The following LYZL1 variants were observed in gnomAD, a reference collection of about 807,000 sequenced individuals.
The protein encoded by LYZL1 is lysozyme like 1.
LYZL1 carries 16 observed loss-of-function variants against 17.9 expected under a neutral mutation model. That is an observed-to-expected ratio of 0.90 (90% confidence interval 0.61 to 1.36). The LOEUF is 1.36. Ranked by LOEUF, LYZL1 falls within the 40% of genes most tolerant of loss-of-function variation. The pLI, the probability that LYZL1 is intolerant of heterozygous loss-of-function variation, is 0.00. For missense variants in LYZL1, 149 were observed against 188.4 expected (o/e 0.79, Z 1.22); for synonymous variants, 58 against 71.8 (o/e 0.81, Z 0.97).
intron 3 of LYZL1, among the ~76,000 whole-genome samples, chr10:29,306,549 C>CAAAAAAAAAAAAAAAAAA (rs58001118): frequency 2.0e-5 from 1 of 48,804 alleles, no homozygotes; most frequent in Non-Finnish European, 3.6e-5. Flanking sequence ...GACTCCGTCT[C>CAAAAAAAAAAAAAAAAAA]AAAAAAAAAA....
intron 3 of LYZL1, among the ~76,000 whole-genome samples, chr10:29,306,792 A>ATGTGTGTGTG (rs1238882899): frequency 2.9e-4 from 27 of 91,544 alleles, no homozygotes; most frequent in African/African-American, 1.2e-3. Flanking sequence ...GTTACCGCTT[A>ATGTGTGTGTG]TGTATGTGTG....
chr10:29,306,367 G>A (rs1835589879), intron 3 of LYZL1, among the ~76,000 whole-genome samples: 1 of 139,690 alleles, frequency 7.2e-6, no homozygotes, highest in East Asian at 2.0e-4. Flanking sequence ...CGGCTAAAAC[G>A]GTGAAACCCC....
At chr10:29,299,477 T>A (rs769553414) in intron 3 of LYZL1, among the ~76,000 whole-genome samples, 21 of 152,358 alleles carry the variant, frequency 1.4e-4, no homozygotes, top group Non-Finnish European at 2.4e-4. Flanking sequence ...ATTTTCTTAC[T>A]GAGAACTTAT....
chr10:29,303,261 T>C (rs1230341933), intron 3 of LYZL1, among the ~76,000 whole-genome samples: 1 of 152,194 alleles, frequency 6.6e-6, no homozygotes, highest in Non-Finnish European at 1.5e-5. Context: ...TGGCGTCTGA[T>C]GTCTGTCTCC....
chr10:29,293,147 T>G (rs1423481158), intron 3 of LYZL1, among the ~76,000 whole-genome samples: 4 of 147,744 alleles, frequency 2.7e-5, no homozygotes, highest in Non-Finnish European at 4.5e-5. Context: ...TTTTTTTTTT[T>G]TTTGAGACAG....
At chr10:29,303,442 C>G (rs1216713398) in intron 3 of LYZL1, among the ~76,000 whole-genome samples, 1 of 152,132 alleles carries the variant, frequency 6.6e-6, no homozygotes, top group Non-Finnish European at 1.5e-5. Flanking sequence ...TCTATTTTGT[C>G]TAGTCTTCTG....
rs7089659 is a variant in LYZL1, at chr10:29,298,248, T to C, written c.298+5571T>C. ...CCAATGAGGAATGGAAAGAGAACTA[T>C]GACCAGCACCGAGGTACAAGGGGTC... On this transcript the variant is annotated intron_variant, in intron 3 of 4. Coordinates refer to ENST00000649382, the MANE Select transcript of LYZL1 (RefSeq NM_032517.6). Among the ~76,000 whole-genome samples, 639 of 152,326 alleles carry C rather than the reference T, an allele frequency of 4.2e-3. 6 individuals are homozygous for C. The highest frequency in any genetic ancestry group is 0.014 in the African/African-American group (587 of 41,566).
At chr10:29,316,307 C>G (rs1835729028) in intron 3 of LYZL1, among the ~76,000 whole-genome samples, 1 of 152,202 alleles carries the variant, frequency 6.6e-6, no homozygotes, top group Non-Finnish European at 1.5e-5. Context: ...AGAAACTGTT[C>G]CGATTCACAG....
At chr10:29,296,893 G>A (rs1208568646) in intron 3 of LYZL1, among the ~76,000 whole-genome samples, 2 of 152,104 alleles carry the variant, frequency 1.3e-5, no homozygotes, top group Non-Finnish European at 2.9e-5. Flanking sequence ...GTTGCAGAGA[G>A]CCAAGGCTCA....
intron 3 of LYZL1, among the ~76,000 whole-genome samples, chr10:29,296,281 CTT>C (rs1193686505): frequency 1.3e-5 from 2 of 152,192 alleles, no homozygotes; most frequent in Non-Finnish European, 2.9e-5. Flanking sequence ...TGGTGACTAA[CTT>C]AGTGATTAAA....
At chr10:29,312,965 G>C (rs1237132889), downstream of LYZL1, among the ~76,000 whole-genome samples, 2 of 152,166 alleles carry the variant, frequency 1.3e-5, no homozygotes, top group Admixed American at 6.6e-5. Flanking sequence ...CCACTGATGA[G>C]ACTGATGGAT....
At chr10:29,310,221 C>T (rs1453973991) in intron 4 of LYZL1, 33 bp downstream of exon 4, 1 of 1,498,242 alleles carries the variant, frequency 6.7e-7, no homozygotes, top group Non-Finnish European at 9.3e-7. Flanking sequence ...CTTGTGCTGT[C>T]ATGGGCAAAA....
intron 3 of LYZL1, among the ~76,000 whole-genome samples, chr10:29,293,437 G>A (rs1564389328): frequency 6.6e-6 from 1 of 152,034 alleles, no homozygotes; most frequent in Non-Finnish European, 1.5e-5. Flanking sequence ...TATTTAGCTA[G>A]CCACATGTCT....
At chr10:29,305,869 A>G (rs543733283) in intron 3 of LYZL1, among the ~76,000 whole-genome samples, 10 of 152,374 alleles carry the variant, frequency 6.6e-5, no homozygotes, top group African/African-American at 2.4e-4. Flanking sequence ...CCACAAAATT[A>G]GCAACTCAGG....
rs999673042 is a variant in LYZL1, at chr10:29,302,374, T to G, written c.299-7736T>G. On this transcript the variant is annotated intron_variant, in intron 3 of 4. Coordinates refer to ENST00000649382, the MANE Select transcript of LYZL1 (RefSeq NM_032517.6). ...ATGGACAGTACACCCTGAGAGAAAC[T>G]TCAGGGCAGGCTGCTCGTAAGGATG... 2.0e-5 allele frequency among the ~76,000 whole-genome samples: 3 copies of G among 152,128 alleles called. 1 individual carries two copies. The highest frequency in any genetic ancestry group is 2.9e-5 in the Non-Finnish European group (2 of 68,016).
chr10:29,289,898 A>G (rs1170260914), intron 1 of LYZL1, among the ~76,000 whole-genome samples: 1 of 152,166 alleles, frequency 6.6e-6, no homozygotes, highest in Non-Finnish European at 1.5e-5. Flanking sequence ...TCAGCCACCA[A>G]TGATATATTA....
At chr10:29,297,509 A>T (rs1011909132) in intron 3 of LYZL1, among the ~76,000 whole-genome samples, 4 of 152,230 alleles carry the variant, frequency 2.6e-5, no homozygotes, top group Non-Finnish European at 4.4e-5. Context: ...TAAACAATTC[A>T]TAACTTTTAA....
Position 29,289,217 on chromosome 10 carries a change from A to G in LYZL1, c.-39A>G, listed in dbSNP as rs141458099. 22 of 1,587,310 alleles carry G rather than the reference A, an allele frequency of 1.4e-5. No homozygotes were observed. In the African/African-American group the frequency reaches 3.0e-4, roughly 22 times the overall value. On this transcript the variant is annotated 5_prime_UTR_variant, in exon 1 of 5. Coordinates refer to ENST00000649382, the MANE Select transcript of LYZL1 (RefSeq NM_032517.6). Reference sequence around the variant, plus strand: ...GTCAGCCTCTGGGGCAGGCACCAGGAATCTGCCTTTTCAGTAAGACCTAAA... The same window carrying G: ...GTCAGCCTCTGGGGCAGGCACCAGGGATCTGCCTTTTCAGTAAGACCTAAA...
intron 3 of LYZL1, among the ~76,000 whole-genome samples, chr10:29,307,796 G>C (rs1284138811): frequency 6.6e-6 from 1 of 152,120 alleles, no homozygotes; most frequent in Admixed American, 6.5e-5. Context: ...ACTTTGTAAA[G>C]AAATATTTGT....
Sources: allele counts gnomAD v4.1 joint callset (sites outside exome capture counted in the v4.1 genomes callset), GRCh38; gene constraint gnomAD v4.1.1; transcripts MANE v1.5; gene names NCBI Gene and HGNC (gene_info 2026-07-23, HGNC 2026-07-21).